Variants in KANSL3 observed in about 807,000 individuals in gnomAD.
The protein encoded by KANSL3 is KAT8 regulatory NSL complex subunit 3, also known as NSL complex protein NSL3.
Under a neutral mutation model 89.2 loss-of-function variants are expected in KANSL3, and 16 were observed. That is an observed-to-expected ratio of 0.18 (90% CI 0.12 to 0.27). The LOEUF (loss-of-function observed/expected upper bound fraction) is 0.27. Ranked by LOEUF, KANSL3 falls within the 10% of genes least tolerant of loss-of-function variation. The probability of loss-of-function intolerance (pLI) is 1.00; values close to 1 mark genes in which losing one functional copy is unlikely to be tolerated. For synonymous variants in KANSL3, 385 were observed against 419.7 expected (o/e 0.92, Z 1.01); for missense variants, 879 against 1,110.6 (o/e 0.79, Z 2.96).
chr2:96,635,941 C>T (rs1158735902), intron 2 of KANSL3, among the ~76,000 whole-genome samples: 1 of 151,774 alleles, frequency 6.6e-6, no homozygotes, highest in African/African-American at 2.4e-5. Context: ...TTGCAGTGAG[C>T]CAAGATCACA....
At chr2:96,582,900 C>T in the KANSL3 span, among the ~76,000 whole-genome samples, 4 of 152,354 alleles carry the variant, frequency 2.6e-5, no homozygotes, top group African/African-American at 9.6e-5. Context: ...CTTAGCTGGA[C>T]TGCTGGAAGT....
chr2:96,584,661 A>G, the KANSL3 span, among the ~76,000 whole-genome samples: 1 of 152,224 alleles, frequency 6.6e-6, no homozygotes, highest in African/African-American at 2.4e-5. Flanking sequence ...TTCACTTAAC[A>G]TGTCCTCCAA....
chr2:96,603,587 A>C (rs2067508873), intron 17 of KANSL3: 1 of 152,544 alleles, frequency 6.6e-6, no homozygotes, highest in African/African-American at 2.4e-5. Context: ...CCTGGCCAGG[A>C]GAGGGTTTCT....
At chr2:96,604,409 C>T in intron 16 of KANSL3, 29 bp from the exon 17 acceptor site, 1 of 1,602,638 alleles carries the variant, frequency 6.2e-7, no homozygotes. Context: ...GCTCTGTTAT[C>T]CAAAGGTCAC....
Position 96,602,249 on chromosome 2 carries a change from G to A in KANSL3, c.2349C>T (p.Ala783=). ...TSTIVRTIPV[A]TTLSSLGATP... ...TGGCACCCAAGGAGGAGAGAGTGGT[G>A]GCCACAGGAATGGTACGGACAATGG... The change falls in exon 19 of 21, where the codon GCC becomes GCT. Residue 783 remains alanine, a synonymous_variant. Coordinates refer to ENST00000431828, the MANE Select transcript of KANSL3 (RefSeq NM_001115016.3). 6.2e-7 allele frequency: 1 copy of A among 1,612,236 alleles called. No individual in the cohort carries two copies. The highest frequency in any genetic ancestry group is 8.5e-7 in the Non-Finnish European group (1 of 1,179,286).
chr2:96,612,312 G>A lies in KANSL3; in HGVS notation c.1056C>T (p.Gly352=). Residue 352 remains glycine, a synonymous_variant, in exon 9 of 21, where the codon GGC becomes GGT. Coordinates refer to ENST00000431828, the MANE Select transcript of KANSL3 (RefSeq NM_001115016.3). ...HFPHKPIILI[G]WNTGALVACH... ...AGGCCACCAAAGCTCCTGTGTTCCA[G>A]CCAATCAAGATAATGGGTTTGTGTG... 1 of 1,613,644 alleles carries A rather than the reference G, an allele frequency of 6.2e-7. No homozygotes were observed. Among genetic ancestry groups the A allele is most frequent in the Non-Finnish European group, 8.5e-7 (1 of 1,179,604 alleles).
rs771892345 is a variant in KANSL3 at position 96,604,389 on chromosome 2, A to G, written c.2019-9T>C. ...CTTCAGAAGAACTGGACCTGGAGAC[A>G]AAGGAAGGAGCTCTGTTATCCAAAG... is the stretch of plus-strand genomic sequence containing the variant. On this transcript the variant is annotated splice_polypyrimidine_tract_variant and intron_variant, in intron 16 of 20. Transcript: ENST00000431828. 14 of 1,608,710 alleles carry G rather than the reference A, an allele frequency of 8.7e-6. No homozygotes were observed. Among genetic ancestry groups the G allele is most frequent in the Non-Finnish European group, 1.2e-5 (14 of 1,179,502 alleles).
At position 96,602,298 on chromosome 2, in the gene KANSL3, C is replaced by T. The variant is rs757621137; in HGVS notation, c.2300G>A (p.Gly767Asp). Reference sequence around the variant, plus strand: ...GGTGCTGGTGCCCGTGGTGATGGCACCCAGGCTCTGCATGGGGGTGGGCAA... The same window carrying T: ...GGTGCTGGTGCCCGTGGTGATGGCATCCAGGCTCTGCATGGGGGTGGGCAA... ...VKLPTPMQSL[G>D]AITTGTSTIV... The change falls in exon 19 of 21, where the codon GGT becomes GAT. Residue 767 changes from glycine (G) to aspartate (D), a missense_variant. This residue lies in a region of KANSL3 where 89 missense variants were observed against 139.7 expected (regional missense o/e 0.64). Transcript: ENST00000431828. 9 of 1,612,122 alleles carry T rather than the reference C, an allele frequency of 5.6e-6. No homozygotes were observed. In the South Asian group the frequency reaches 1.0e-4, roughly 18 times the overall value.
the KANSL3 span, among the ~76,000 whole-genome samples, chr2:96,580,617 G>A: frequency 3.9e-5 from 6 of 152,120 alleles, no homozygotes; most frequent in Admixed American, 3.3e-4. Context: ...TTACCTGTAT[G>A]TTGGTTAAAC....
intron 9 of KANSL3, 141 bp from the exon 10 acceptor site, chr2:96,611,279 CACAATGGCAG>C: frequency 2.9e-6 from 2 of 684,288 alleles, no homozygotes; most frequent in Admixed American, 2.3e-5. Context: ...CATCTTCTGC[CACAATGGCAG>C]CAGTAAGAGC....
chr2:96,583,591 G>A, the KANSL3 span, among the ~76,000 whole-genome samples: 2 of 152,102 alleles, frequency 1.3e-5, no homozygotes, highest in African/African-American at 2.4e-5. Context: ...GCATGTCAGT[G>A]GTTCTTTTCA....
chr2:96,595,778 CAT>C, intron 20 of KANSL3, 147 bp from the exon 21 acceptor site: 1 of 915,594 alleles, frequency 1.1e-6, no homozygotes, highest in Non-Finnish European at 1.6e-6. Context: ...CACAAGGACA[CAT>C]GTTCTAGCTG....
intron 15 of KANSL3, 50 bp downstream of exon 15, chr2:96,605,270 G>A: frequency 6.7e-7 from 1 of 1,502,700 alleles, no homozygotes; most frequent in Non-Finnish European, 9.1e-7. Flanking sequence ...GGGCAATGCT[G>A]TGTACCTGAG....
At chr2:96,615,510 C>T (rs1378037921) in intron 5 of KANSL3, 8 of 1,286,870 alleles carry the variant, frequency 6.2e-6, no homozygotes, top group South Asian at 2.5e-5. Flanking sequence ...GAAATATCTG[C>T]GAATTCCATG....
At position 96,593,252 on chromosome 2, in the gene KANSL3, C is replaced by T. The variant is rs1315976831; in HGVS notation, c.*2359G>A. ...CGCTCAGCTCTATAACCCATCCAGC[C>T]CAAGACTGTTCTAGTGGTGAAACCA... On this transcript the variant is annotated 3_prime_UTR_variant, in exon 21 of 21. Coordinates refer to ENST00000431828, the MANE Select transcript of KANSL3 (RefSeq NM_001115016.3). 1 of 456,084 alleles carries T rather than the reference C, an allele frequency of 2.2e-6. No individual in the cohort carries two copies. The highest frequency in any genetic ancestry group is 1.5e-5 in the South Asian group (1 of 64,562). The allele number at this position is 456,084 out of a possible 1,614,324, so 28.3% of individuals were successfully genotyped here.
rs773469223 is a variant in KANSL3, at chr2:96,637,053, T to C, written c.83A>G (p.His28Arg). Residue 28 changes from histidine (H) to arginine (R), a missense_variant, in exon 2 of 21, where the codon CAT (histidine) becomes CGT (arginine). His to Arg is a conservative substitution (Grantham distance 29). This residue lies in a region of KANSL3 where 210 missense variants were observed against 311.9 expected (regional missense o/e 0.67). Coordinates refer to ENST00000431828, the MANE Select transcript of KANSL3 (RefSeq NM_001115016.3). ...AAAAACCAGGTCCAGCTCCCGTTCA[T>C]GCACTGAAAGCTGGAAGAGCAGCGA... ...GTSLLFQLSVHERELDLVFLD... is the reference protein window; with the variant it reads ...GTSLLFQLSVRERELDLVFLD... 6.4e-7 allele frequency: 1 copy of C among 1,551,652 alleles called. No homozygotes were observed. The highest frequency in any genetic ancestry group is 8.7e-7 in the Non-Finnish European group (1 of 1,146,984).
intron 3 of KANSL3, chr2:96,628,055 A>G (rs1002862288): frequency 5.4e-6 from 7 of 1,290,338 alleles, no homozygotes; most frequent in Admixed American, 4.6e-5. Context: ...TGGCAATGTC[A>G]TAACAGAAGG....
chr2:96,619,413 C>T lies in KANSL3; in HGVS notation c.609G>A (p.Leu203=). 1 of 1,613,804 alleles carries T rather than the reference C, an allele frequency of 6.2e-7. No homozygotes were observed. The highest frequency in any genetic ancestry group is 8.5e-7 in the Non-Finnish European group (1 of 1,179,798). Reference sequence around the variant, plus strand: ...GGTAGGCTGCCAGCATGGGCAGACTCAAGGTCTCCACAAGGGTGGTGTGCA... The same window carrying T: ...GGTAGGCTGCCAGCATGGGCAGACTTAAGGTCTCCACAAGGGTGGTGTGCA... ...QWLHTTLVET[L]SLPMLAAYLD... The change falls in exon 5 of 21, where the codon TTG becomes TTA. Residue 203 remains leucine (L), a synonymous_variant. Transcript: ENST00000431828.
chr2:96,604,119 C>T (rs2067602213), intron 17 of KANSL3, 131 bp downstream of exon 17: 1 of 1,006,270 alleles, frequency 9.9e-7, no homozygotes, highest in South Asian at 2.2e-5. Flanking sequence ...CACGTCAAGC[C>T]TCTATGATCA....
Sources: gnomAD v4.1 joint callset for allele counts (sites outside exome capture counted in the v4.1 genomes callset) on GRCh38, gnomAD v4.1.1 for gene constraint, gnomAD v4.1.1 regional missense constraint, MANE v1.5 for transcripts, NCBI Gene and HGNC (gene_info 2026-07-23, HGNC 2026-07-21) for gene names.